The following SVIL variants were observed in gnomAD, a reference collection of about 807,000 sequenced individuals.
SVIL encodes the protein archvillin.
Under a neutral mutation model 240.4 loss-of-function variants are expected in SVIL, and 101 were observed. That is an observed-to-expected ratio of 0.42 (90% confidence interval 0.36 to 0.50). SVIL has a LOEUF of 0.50. Among genes scored for constraint, SVIL ranks in the 20% least tolerant of loss-of-function variants. SVIL has a pLI of 0.01. For missense variants in SVIL, 2,512 were observed against 2,818.7 expected (o/e 0.89, Z 2.46); for synonymous variants, 999 against 1,100.0 (o/e 0.91, Z 1.82).
intron 6 of SVIL, among the ~76,000 whole-genome samples, chr10:29,539,331 A>G (rs1951975097): frequency 6.6e-6 from 1 of 152,234 alleles, no homozygotes; most frequent in South Asian, 2.1e-4. Context: ...CTTTGAAGAC[A>G]TAATACTTAT....
chr10:29,566,280 A>T (rs1954956291), intron 2 of SVIL, among the ~76,000 whole-genome samples: 1 of 152,210 alleles, frequency 6.6e-6, no homozygotes, highest in Non-Finnish European at 1.5e-5. Flanking sequence ...TTTATAAAGT[A>T]TTGATTTTAG....
intron 17 of SVIL, among the ~76,000 whole-genome samples, chr10:29,506,478 T>C (rs941405052): frequency 2.0e-5 from 3 of 152,102 alleles, no homozygotes; most frequent in Admixed American, 1.3e-4. Flanking sequence ...ACACCTTCCC[T>C]GTCAGCTTCG....
At chr10:29,707,191 T>A (rs1268531932) in intron 1 of SVIL, among the ~76,000 whole-genome samples, 1 of 152,236 alleles carries the variant, frequency 6.6e-6, no homozygotes. Context: ...CAGTGGTAGT[T>A]TGATGGGAAT....
chr10:29,524,913 T>G (rs1377090729), intron 13 of SVIL, among the ~76,000 whole-genome samples, 198 bp from the exon 14 acceptor site: 2 of 151,938 alleles, frequency 1.3e-5, no homozygotes, highest in Admixed American at 1.3e-4. Context: ...CATCATCACT[T>G]CTACAAAGAG....
intron 3 of SVIL, among the ~76,000 whole-genome samples, chr10:29,650,342 CGT>C (rs1417693584): frequency 6.6e-6 from 1 of 151,956 alleles, no homozygotes; most frequent in Non-Finnish European, 1.5e-5. Flanking sequence ...TGGTAAGAGC[CGT>C]GGGCAATGCA....
intron 3 of SVIL, among the ~76,000 whole-genome samples, chr10:29,641,213 G>A (rs556457647): frequency 1.3e-4 from 19 of 151,984 alleles, no homozygotes; most frequent in Admixed American, 6.6e-4. Context: ...AGACCAGCCT[G>A]GGCAACATAG....
chr10:29,617,149 T>C lies in SVIL; in HGVS notation c.-201+17271A>G, dbSNP rs142013136. Among the ~76,000 whole-genome samples the C allele has an allele frequency of 5.2e-3, 798 of 152,278 alleles. 15 individuals carry two copies. Among genetic ancestry groups the C allele is most frequent in the African/African-American group, 0.018 (766 of 41,578 alleles). ...TTGCTTCCGCACAATTGTTCATCCC[T>C]TGAAGCCCAAAGCTCTTTTCCTTTA... On this transcript the variant is annotated intron_variant, in intron 1 of 37. Coordinates refer to ENST00000355867, the MANE Select transcript of SVIL (RefSeq NM_021738.3).
At chr10:29,572,949 A>G (rs999322986) in intron 1 of SVIL, among the ~76,000 whole-genome samples, 5 of 152,130 alleles carry the variant, frequency 3.3e-5, no homozygotes, top group African/African-American at 1.2e-4. Context: ...ATACTCAATT[A>G]CAGTTATCTA....
chr10:29,723,745 G>A (rs1564363438), intron 1 of SVIL, among the ~76,000 whole-genome samples: 1 of 152,056 alleles, frequency 6.6e-6, no homozygotes, highest in Admixed American at 6.6e-5. Context: ...AACTTTCCTT[G>A]TTTCTGCAAC....
chr10:29,652,201 G>A (rs570487273), intron 3 of SVIL, among the ~76,000 whole-genome samples: 2 of 152,212 alleles, frequency 1.3e-5, no homozygotes, highest in South Asian at 2.1e-4. Flanking sequence ...GCAGTCACTC[G>A]TAATTTGCCA....
Position 29,473,920 on chromosome 10 carries a change from CAGA to C in SVIL, c.5444_5446del (p.Phe1815del). The C allele has an allele frequency of 6.2e-7, 1 of 1,614,048 alleles. No individual in the cohort carries two copies. The highest frequency in any genetic ancestry group is 8.5e-7 in the Non-Finnish European group (1 of 1,180,008). Reference sequence around the variant, plus strand: ...ACTCACGGTGGAGTGCCGGCCTTGCCAGAAGAAGTAGACGCACTTCTCTTTGCC... The same window carrying C: ...ACTCACGGTGGAGTGCCGGCCTTGCCAGAAGTAGACGCACTTCTCTTTGCC... On this transcript the variant is annotated inframe_deletion, in exon 30 of 38. Coordinates refer to ENST00000355867, the MANE Select transcript of SVIL (RefSeq NM_021738.3).
At chr10:29,624,924 G>T (rs1957807264) in intron 1 of SVIL, among the ~76,000 whole-genome samples, 1 of 152,044 alleles carries the variant, frequency 6.6e-6, no homozygotes, top group Admixed American at 6.6e-5. Context: ...AATGTTTAAG[G>T]CCCCATGAAC....
chr10:29,464,431 C>T (rs537693598), intron 34 of SVIL, among the ~76,000 whole-genome samples: 82 of 152,174 alleles, frequency 5.4e-4, no homozygotes, highest in Non-Finnish European at 1.0e-3. Context: ...AGAGTAAGAC[C>T]CTGTCTCTAA....
At position 29,533,153 on chromosome 10, in the gene SVIL, G is replaced by T; in HGVS notation, c.1214C>A (p.Pro405His). The T allele has an allele frequency of 1.2e-6, 2 of 1,614,140 alleles. No individual in the cohort carries two copies. Among genetic ancestry groups the T allele is most frequent in the Non-Finnish European group, 1.7e-6 (2 of 1,180,026 alleles). ...ASATQNVPKP[P>H]SLTVLEGDGR... ...GTCACCTTCTAGAACCGTCAAGCTG[G>T]GAGGTTTGGGGACATTCTGGGTGGC... The change falls in exon 8 of 38, where the codon CCC becomes CAC. Residue 405 changes from proline to histidine, a missense_variant. By Grantham distance (77) the Pro-to-His change is moderately conservative (BLOSUM62 -2). Transcript: ENST00000355867.
At chr10:29,714,948 T>TAAAAAAAA (rs61107910) in intron 1 of SVIL, among the ~76,000 whole-genome samples, 3 of 78,354 alleles carry the variant, frequency 3.8e-5, no homozygotes, top group Non-Finnish European at 5.2e-5. Context: ...TGTCTGAAAT[T>TAAAAAAAA]AAAAAAAAAA....
Position 29,706,144 on chromosome 10 carries a change from G to T in SVIL, c.-399-19493C>A, listed in dbSNP as rs541208097. On this transcript the variant is annotated intron_variant, in intron 1 of 35. Transcript: ENST00000375400. Reference sequence around the variant, plus strand: ...TGTGTGTGCATGTGTCTTTATAGTAGAATGATTTATATTCCTTGGGGTATA... The same window carrying T: ...TGTGTGTGCATGTGTCTTTATAGTATAATGATTTATATTCCTTGGGGTATA... 4.6e-5 allele frequency among the ~76,000 whole-genome samples: 7 copies of T among 152,276 alleles called. No homozygotes were observed. In the South Asian group the frequency reaches 1.4e-3, roughly 32 times the overall value.
At chr10:29,612,040 C>T (rs1957264583) in intron 1 of SVIL, among the ~76,000 whole-genome samples, 1 of 152,076 alleles carries the variant, frequency 6.6e-6, no homozygotes, top group Non-Finnish European at 1.5e-5. Context: ...ATTCTGCCTG[C>T]CCTAGGGGGT....
chr10:29,729,247 C>A (rs189589701), intron 1 of SVIL, among the ~76,000 whole-genome samples: 21 of 152,114 alleles, frequency 1.4e-4, no homozygotes, highest in Non-Finnish European at 2.4e-4. Context: ...TCCAACAGTA[C>A]CCCTGTGGAA....
chr10:29,547,067 T>C (rs1036695543), intron 6 of SVIL, among the ~76,000 whole-genome samples: 21 of 152,330 alleles, frequency 1.4e-4, no homozygotes, highest in African/African-American at 4.6e-4. Context: ...GAGGTTTCTT[T>C]TGTTACTGTT....
Sources: allele counts gnomAD v4.1 joint callset (sites outside exome capture counted in the v4.1 genomes callset), GRCh38; gene constraint gnomAD v4.1.1; transcripts MANE v1.5; gene names NCBI Gene and HGNC (gene_info 2026-07-23, HGNC 2026-07-21).